SLC39A11: variants seen among roughly 807,000 people sequenced by gnomAD.
SLC39A11 encodes zinc transporter ZIP11.
SLC39A11 carries 33 observed loss-of-function variants against 36.1 expected under a neutral mutation model. The observed-to-expected ratio is 0.91, with a 90% CI of 0.69 to 1.22. The LOEUF is 1.22. SLC39A11 is among the 50% of genes most tolerant of loss of function. The pLI, the probability that SLC39A11 is intolerant of heterozygous loss-of-function variation, is 0.00. For missense variants in SLC39A11, 432 were observed against 430.3 expected, an observed-to-expected ratio of 1.00 and a Z score of -0.03; for synonymous variants, 166 against 170.3, an observed-to-expected ratio of 0.97 and a Z score of 0.20.
At chr17:72,832,573 C>A (rs1448354890) in intron 6 of SLC39A11, among the ~76,000 whole-genome samples, 1 of 152,128 alleles carries the variant, frequency 6.6e-6, no homozygotes, top group African/African-American at 2.4e-5. Context: ...AACAACAGAG[C>A]AAGGAATAGA....
intron 5 of SLC39A11, among the ~76,000 whole-genome samples, chr17:72,858,013 C>T (rs1196487245): frequency 6.6e-6 from 1 of 152,184 alleles, no homozygotes; most frequent in Non-Finnish European, 1.5e-5. Context: ...ACTTTTGTTG[C>T]AATTGCTTTT....
At chr17:73,071,641 G>T (rs1451586660) in intron 3 of SLC39A11, among the ~76,000 whole-genome samples, 1 of 152,128 alleles carries the variant, frequency 6.6e-6, no homozygotes, top group Non-Finnish European at 1.5e-5. Context: ...TTGCATCAGG[G>T]GCCAGCAGAC....
At chr17:73,014,624 T>C (rs908611794) in intron 4 of SLC39A11, among the ~76,000 whole-genome samples, 2 of 152,204 alleles carry the variant, frequency 1.3e-5, no homozygotes, top group African/African-American at 4.8e-5. Flanking sequence ...GCCACTGCAC[T>C]CCAACTTGGG....
chr17:73,054,077 A>G (rs1387641444), intron 3 of SLC39A11, among the ~76,000 whole-genome samples: 1 of 152,100 alleles, frequency 6.6e-6, no homozygotes, highest in East Asian at 1.9e-4. Context: ...GAAAATCTCT[A>G]ATGCGGGCCA....
chr17:72,836,064 G>A (rs569938264), intron 6 of SLC39A11, among the ~76,000 whole-genome samples: 21 of 152,278 alleles, frequency 1.4e-4, no homozygotes, highest in Admixed American at 9.2e-4. Context: ...CCCTGTGTAC[G>A]GTGAGGCTTC....
At chr17:72,918,692 C>G (rs951524070) in intron 5 of SLC39A11, among the ~76,000 whole-genome samples, 4 of 152,210 alleles carry the variant, frequency 2.6e-5, no homozygotes, top group Admixed American at 6.5e-5. Flanking sequence ...TGTTATAAAA[C>G]ACATTTATAA....
intron 5 of SLC39A11, among the ~76,000 whole-genome samples, chr17:72,851,851 C>T (rs1486930845): frequency 1.3e-5 from 2 of 152,096 alleles, no homozygotes; most frequent in Non-Finnish European, 1.5e-5. Context: ...GCCTAATTCA[C>T]GAAGCCTTTA....
chr17:72,711,358 A>C (rs999455981), intron 7 of SLC39A11, among the ~76,000 whole-genome samples: 1 of 152,172 alleles, frequency 6.6e-6, no homozygotes, highest in East Asian at 1.9e-4. Flanking sequence ...AAAGGGGGGA[A>C]GTGTATTTCT....
chr17:72,850,176 T>A (rs1390854146), intron 5 of SLC39A11, among the ~76,000 whole-genome samples: 1 of 152,326 alleles, frequency 6.6e-6, no homozygotes, highest in East Asian at 1.9e-4. Flanking sequence ...AGGCTGAGCA[T>A]GGTCACTCAC....
rs540855592 is a variant in SLC39A11 at position 72,977,654 on chromosome 17, G to C, written c.307-29779C>G. ...GAGCAAAGAGCAGAGAGAGGGACTA[G>C]GGACATGTGGGAAAGAACCATGAAG... On this transcript the variant is annotated intron_variant, in intron 4 of 9. Transcript: ENST00000255559. Among the ~76,000 whole-genome samples the C allele has an allele frequency of 2.6e-5, 4 of 152,200 alleles. No individual in the cohort carries two copies. The East Asian group carries it at 7.7e-4, about 29-fold the overall frequency.
chr17:72,834,961 T>A (rs1005800501), intron 6 of SLC39A11, among the ~76,000 whole-genome samples: 1 of 152,234 alleles, frequency 6.6e-6, no homozygotes, highest in African/African-American at 2.4e-5. Flanking sequence ...GTGCAGGAGA[T>A]GACAGAATGT....
intron 5 of SLC39A11, among the ~76,000 whole-genome samples, chr17:72,860,955 G>A (rs1465424700): frequency 6.6e-6 from 1 of 152,186 alleles, no homozygotes; most frequent in Non-Finnish European, 1.5e-5. Context: ...GTTGTGGAGA[G>A]TGGATGAGAG....
intron 4 of SLC39A11, among the ~76,000 whole-genome samples, chr17:72,959,398 T>C (rs1347310925): frequency 7.0e-6 from 1 of 142,202 alleles, no homozygotes; most frequent in Non-Finnish European, 1.5e-5. Context: ...ATAAGAATGA[T>C]TGAATTAACA....
intron 4 of SLC39A11, among the ~76,000 whole-genome samples, chr17:73,028,659 T>C (rs146535086): frequency 1.6e-4 from 24 of 152,250 alleles, no homozygotes; most frequent in African/African-American, 5.3e-4. Context: ...TGGGCATTTG[T>C]GGTGATGATG....
Position 73,025,164 on chromosome 17 carries a change from A to G in SLC39A11, c.306+6392T>C, listed in dbSNP as rs567147696. On this transcript the variant is annotated intron_variant, in intron 4 of 9. Coordinates refer to ENST00000255559, the MANE Select transcript of SLC39A11 (RefSeq NM_139177.4). ...TAAGGCAGGAGCTGAGAAGAGGGTG[A>G]TCCCTGCTTGCCAGCCTCCCCCACC... 6.6e-5 allele frequency among the ~76,000 whole-genome samples: 10 copies of G among 152,254 alleles called. No homozygotes were observed. In the East Asian group the frequency reaches 1.5e-3, roughly 24 times the overall value.
chr17:72,949,046 A>C (rs1342135529), intron 4 of SLC39A11, among the ~76,000 whole-genome samples: 1 of 149,848 alleles, frequency 6.7e-6, no homozygotes, highest in Non-Finnish European at 1.5e-5. Context: ...AGGGAGGCAG[A>C]ATCATCTCAA....
Position 72,647,272 on chromosome 17 carries a change from T to C in SLC39A11, c.*312A>G, listed in dbSNP as rs949808056. Reference sequence around the variant, plus strand: ...TGACCTTGAGGAGTTGGGAGGCAGATAGAAGGTCCCGAAGTGGAGATTTCC... The same window carrying C: ...TGACCTTGAGGAGTTGGGAGGCAGACAGAAGGTCCCGAAGTGGAGATTTCC... On this transcript the variant is annotated 3_prime_UTR_variant, in exon 10 of 10. Transcript: ENST00000255559. 3 of 222,932 alleles carry C rather than the reference T, an allele frequency of 1.3e-5. No homozygotes were observed. The highest frequency in any genetic ancestry group is 2.7e-5 in the Non-Finnish European group (3 of 112,538). 13.8% of individuals were successfully genotyped at this position (222,932 alleles called of 1,614,324 possible). A position where few individuals can be genotyped will look rare whatever the true frequency, so the allele number is the denominator to read the frequency against.
At chr17:72,855,697 C>G (rs1176255889) in intron 5 of SLC39A11, among the ~76,000 whole-genome samples, 2 of 152,030 alleles carry the variant, frequency 1.3e-5, no homozygotes, top group Non-Finnish European at 2.9e-5. Flanking sequence ...AAGATCGAGA[C>G]CATCCTGGCT....
At chr17:72,850,376 C>T (rs2079250580) in intron 5 of SLC39A11, among the ~76,000 whole-genome samples, 1 of 151,958 alleles carries the variant, frequency 6.6e-6, no homozygotes, top group South Asian at 2.1e-4. Context: ...ATGGCTTGAG[C>T]CCGGGAAGTT....
Sources: allele counts gnomAD v4.1 joint callset (sites outside exome capture counted in the v4.1 genomes callset), GRCh38; gene constraint gnomAD v4.1.1; transcripts MANE v1.5; gene names NCBI Gene and HGNC (gene_info 2026-07-23, HGNC 2026-07-21).